The following NME9 variants were observed in gnomAD, a reference collection of about 807,000 sequenced individuals.
NME9 encodes the protein NME/NM23 family member 9.
In NME9, 48 loss-of-function variants were observed where a neutral mutation model predicts 44.4. The ratio of observed to expected loss-of-function variants is 1.08; its 90% CI spans 0.86 to 1.37. The LOEUF (loss-of-function observed/expected upper bound fraction) is 1.37, where lower values mean the gene tolerates loss of function less well. NME9 is among the 40% of genes most tolerant of loss of function. The pLI is 0.00. For synonymous variants in NME9, 139 were observed against 147.1 expected, an observed-to-expected ratio of 0.94 and a Z score of 0.40; for missense variants, 325 against 405.2, an observed-to-expected ratio of 0.80 and a Z score of 1.70.
rs1018824241 is a variant in NME9, at chr3:138,271,798, C to CTTTCTTTTTTTTTTTTTTTTT, written c.746-9213_746-9212insAAAAAAAAAAAAAAAAAGAAA. Among the ~76,000 whole-genome samples the CTTTCTTTTTTTTTTTTTTTTT allele has an allele frequency of 2.9e-4, 40 of 136,106 alleles. 1 individual carries two copies. The highest frequency in any genetic ancestry group is 1.1e-3 in the African/African-American group (39 of 35,266). The allele number at this position is 136,106 out of a possible 152,430, so 89.3% of individuals were successfully genotyped here. A position where few individuals can be genotyped will look rare whatever the true frequency, so the allele number is the denominator to read the frequency against. Reference sequence around the variant, plus strand: ...AGTTCACAAGATTTTTTTTTTCTTTCTTTTTTTTTTTTTTTGATACAGAGT... The same window carrying CTTTCTTTTTTTTTTTTTTTTT: ...AGTTCACAAGATTTTTTTTTTCTTTCTTTCTTTTTTTTTTTTTTTTTTTTTTTTTTTTTTTTGATACAGAGT... On this transcript the variant is annotated intron_variant, in intron 8 of 8. Coordinates refer to the NME9 transcript ENST00000317876.
At chr3:138,298,991 G>GT (rs2051706138), downstream of NME9, among the ~76,000 whole-genome samples, 1 of 152,136 alleles carries the variant, frequency 6.6e-6, no homozygotes, top group Non-Finnish European at 1.5e-5. Flanking sequence ...GCAGGCCCCT[G>GT]TTTCCCATAA....
chr3:138,261,496 C>T (rs997598090), exon 9 of NME9: 1 of 152,054 alleles, frequency 6.6e-6, no homozygotes, highest in Non-Finnish European at 1.5e-5. Flanking sequence ...AAGTATGGAG[C>T]TAGAGGTCAG....
chr3:138,314,423 C>G lies in NME9; in HGVS notation c.385-16G>C. ...CATCTTTAATCTAGTACAAATTGGTCATTAAAAGAAAGTAGTTAGCTAATT... is the reference window on the plus strand; with the variant it reads ...CATCTTTAATCTAGTACAAATTGGTGATTAAAAGAAAGTAGTTAGCTAATT... On this transcript the variant is annotated splice_polypyrimidine_tract_variant and intron_variant, in intron 5 of 10. Transcript: ENST00000333911. 6.5e-7 allele frequency: 1 copy of G among 1,544,322 alleles called. No individual in the cohort carries two copies. Among genetic ancestry groups the G allele is most frequent in the East Asian group, 2.3e-5 (1 of 43,994 alleles).
intron 6 of NME9, among the ~76,000 whole-genome samples, chr3:138,312,710 G>A (rs2052785106): frequency 6.6e-6 from 1 of 152,138 alleles, no homozygotes; most frequent in African/African-American, 2.4e-5. Flanking sequence ...GATTTTTTGT[G>A]TAAGACCTCA....
At chr3:138,309,162 G>C (rs1206465721) in intron 6 of NME9, among the ~76,000 whole-genome samples, 11 of 152,026 alleles carry the variant, frequency 7.2e-5, no homozygotes, top group Admixed American at 6.6e-4. Context: ...TAGGTGTGGT[G>C]GCACATGCCT....
intron 3 of NME9, among the ~76,000 whole-genome samples, chr3:138,318,443 G>GC (rs558829871): frequency 7.7e-6 from 1 of 130,644 alleles, no homozygotes; most frequent in African/African-American, 4.7e-5. Context: ...TCTCCTACCC[G>GC]CCCCCCAGCT....
At chr3:138,292,031 TTTTTCTTTCTTTTC>T (rs1311894724) in intron 8 of NME9, among the ~76,000 whole-genome samples, 1 of 152,144 alleles carries the variant, frequency 6.6e-6, no homozygotes, top group Non-Finnish European at 1.5e-5. Context: ...CCTTTTTCTT[TTTTTCTTTCTTTTC>T]TTTTCTTTCG....
At chr3:138,303,453 C>A (rs1014367989) in intron 10 of NME9, 54 bp downstream of exon 10, 11 of 1,465,964 alleles carry the variant, frequency 7.5e-6, no homozygotes, top group Admixed American at 1.7e-5. Flanking sequence ...CACATAGTTA[C>A]AAATTCCTTG....
intron 8 of NME9, among the ~76,000 whole-genome samples, chr3:138,270,603 C>G (rs2048699245): frequency 2.0e-5 from 3 of 152,006 alleles, no homozygotes; most frequent in Admixed American, 1.3e-4. Flanking sequence ...TAAAGTACAA[C>G]ATGATGTTTT....
At chr3:138,301,886 T>C (rs964002691) in intron 10 of NME9, among the ~76,000 whole-genome samples, 182 bp from the exon 11 acceptor site, 1 of 152,240 alleles carries the variant, frequency 6.6e-6, no homozygotes, top group Non-Finnish European at 1.5e-5. Flanking sequence ...ATTGAGCATT[T>C]AATTTGTGTC....
In NME9 at chr3:138,329,724, C is replaced by G; in HGVS notation, c.-389G>C. 2 of 1,082,488 alleles carry G rather than the reference C, an allele frequency of 1.8e-6. No homozygotes were observed. Among genetic ancestry groups the G allele is most frequent in the Non-Finnish European group, 2.2e-6 (2 of 890,640 alleles). 67.1% of individuals were successfully genotyped at this position (1,082,488 alleles called of 1,614,324 possible). A position where few individuals can be genotyped will look rare whatever the true frequency, so the allele number is the denominator to read the frequency against. On this transcript the variant is annotated 5_prime_UTR_variant, in exon 1 of 11. Coordinates refer to ENST00000333911, the MANE Select transcript of NME9 (RefSeq NM_001349018.2). ...ATTCTGACAAAAAAACGACATGGGA[C>G]CCTGTTATCCCTGCTGTTCTTATGG... is the stretch of plus-strand genomic sequence containing the variant.
At chr3:138,299,808 C>T (rs1336746328), downstream of NME9, among the ~76,000 whole-genome samples, 4 of 152,226 alleles carry the variant, frequency 2.6e-5, no homozygotes, top group Non-Finnish European at 5.9e-5. Flanking sequence ...TTTCCCCTCT[C>T]TCCCCTGCTT....
intron 8 of NME9, among the ~76,000 whole-genome samples, chr3:138,287,299 C>G (rs1325770145): frequency 6.6e-6 from 1 of 152,146 alleles, no homozygotes; most frequent in East Asian, 1.9e-4. Context: ...TACTTCAGAC[C>G]TTTTCAGGAA....
chr3:138,276,402 G>A (rs1382952808), intron 8 of NME9, among the ~76,000 whole-genome samples: 3 of 152,116 alleles, frequency 2.0e-5, no homozygotes, highest in Middle Eastern at 3.2e-3. Flanking sequence ...CTTAAATTGG[G>A]AACAAGACAA....
At chr3:138,280,923 C>A (rs1420837939) in intron 8 of NME9, among the ~76,000 whole-genome samples, 1 of 152,246 alleles carries the variant, frequency 6.6e-6, no homozygotes, top group Non-Finnish European at 1.5e-5. Flanking sequence ...CCACCGCACC[C>A]AGCCTGTTCT....
chr3:138,262,693 A>C, intron 8 of NME9: 1 of 1,156,378 alleles, frequency 8.6e-7, no homozygotes, highest in Non-Finnish European at 1.1e-6. Flanking sequence ...TAAAAAAAAA[A>C]ATCTCCCCAG....
chr3:138,280,321 T>TA, intron 8 of NME9, among the ~76,000 whole-genome samples: 1 of 150,986 alleles, frequency 6.6e-6, no homozygotes, highest in African/African-American at 2.4e-5. Flanking sequence ...TTATTATTAT[T>TA]ATTATATATA....
intron 4 of NME9, among the ~76,000 whole-genome samples, chr3:138,317,740 T>A (rs1296644531): frequency 6.6e-6 from 1 of 152,250 alleles, no homozygotes; most frequent in Non-Finnish European, 1.5e-5. Context: ...CCCTGTGCTC[T>A]GAGAGTGAAG....
chr3:138,303,343 A>G (rs1347435287), intron 10 of NME9, 164 bp downstream of exon 10: 4 of 519,016 alleles, frequency 7.7e-6, no homozygotes, highest in East Asian at 2.8e-5. Flanking sequence ...ACAGTTTAGT[A>G]TTGATAATCA....
Sources: allele counts gnomAD v4.1 joint callset (sites outside exome capture counted in the v4.1 genomes callset), GRCh38; gene constraint gnomAD v4.1.1; transcripts MANE v1.5; gene names NCBI Gene and HGNC (gene_info 2026-07-23, HGNC 2026-07-21).